The following LRP1B variants were observed in gnomAD, a reference collection of about 807,000 sequenced individuals.
LRP1B encodes low-density lipoprotein receptor-related protein 1B.
A neutral mutation model predicts 556.6 loss-of-function variants in LRP1B; 217 were observed. The observed-to-expected ratio is 0.39, with a 90% confidence interval of 0.35 to 0.44. The LOEUF (loss-of-function observed/expected upper bound fraction) is 0.44. Ranked by LOEUF, LRP1B falls within the 20% of genes least tolerant of loss-of-function variation. The pLI, the probability that LRP1B is intolerant of heterozygous loss-of-function variation, is 1.00. For synonymous variants in LRP1B, 2,047 were observed against 1,865.8 expected (o/e 1.10, Z -2.50); for missense variants, 5,053 against 5,620.8 (o/e 0.90, Z 3.23).
Position 141,379,773 on chromosome 2 carries a change from G to A in LRP1B, c.343+100623C>T, listed in dbSNP as rs1159885116. 3.3e-5 allele frequency among the ~76,000 whole-genome samples: 5 copies of A among 152,144 alleles called. No individual in the cohort carries two copies. The East Asian group carries it at 9.7e-4, about 29-fold the overall frequency. On this transcript the variant is annotated intron_variant, in intron 3 of 90. Transcript: ENST00000389484. ...TGGAACCATAGAGAATAAAAAGACA[G>A]TTTTAAACAGGCACATGAGTACCTG...
chr2:141,259,653 A>C (rs1684613170), intron 3 of LRP1B, among the ~76,000 whole-genome samples: 1 of 152,210 alleles, frequency 6.6e-6, no homozygotes, highest in Admixed American at 6.5e-5. Flanking sequence ...ACCCAACTGG[A>C]CTGTGATATC....
In LRP1B at chr2:140,779,323, A is replaced by G. The variant is rs74319161; in HGVS notation, c.5360-3085T>C. Among the ~76,000 whole-genome samples the G allele has an allele frequency of 6.6e-3, 998 of 152,298 alleles. 8 individuals are homozygous for G. The highest frequency in any genetic ancestry group is 0.023 in the African/African-American group (961 of 41,558). ...TCTCTTCACCATTGCTAGAAACTAGAAAACAGTGAAGCAATGCCTAGGAAA... is the reference window on the plus strand; with the variant it reads ...TCTCTTCACCATTGCTAGAAACTAGGAAACAGTGAAGCAATGCCTAGGAAA... On this transcript the variant is annotated intron_variant, in intron 32 of 90. Coordinates refer to ENST00000389484, the MANE Select transcript of LRP1B (RefSeq NM_018557.3).
chr2:141,144,606 C>T (rs1043619735), intron 7 of LRP1B, among the ~76,000 whole-genome samples: 1 of 152,150 alleles, frequency 6.6e-6, no homozygotes, highest in Non-Finnish European at 1.5e-5. Flanking sequence ...TATAACCATA[C>T]ACTTCATGAC....
At chr2:141,876,938 A>G (rs969835668) in intron 1 of LRP1B, among the ~76,000 whole-genome samples, 1 of 151,998 alleles carries the variant, frequency 6.6e-6, no homozygotes, top group South Asian at 2.1e-4. Context: ...TAAAGAACCC[A>G]GTATGCCATT....
intron 2 of LRP1B, among the ~76,000 whole-genome samples, chr2:141,644,768 C>T (rs1689488504): frequency 6.8e-6 from 1 of 147,338 alleles, no homozygotes; most frequent in South Asian, 2.2e-4. Context: ...CACACGCATA[C>T]ACATGCACAC....
At chr2:141,146,775 T>G (rs1701794225) in intron 7 of LRP1B, among the ~76,000 whole-genome samples, 1 of 152,204 alleles carries the variant, frequency 6.6e-6, no homozygotes, top group South Asian at 2.1e-4. Context: ...ATGGCTGTTC[T>G]TCTCCGTTTT....
intron 51 of LRP1B, among the ~76,000 whole-genome samples, chr2:140,511,956 T>C (rs1318336455): frequency 2.2e-4 from 33 of 152,222 alleles, no homozygotes; most frequent in Admixed American, 2.0e-3. Flanking sequence ...TTTTTATTAT[T>C]ATATTCTCAA....
intron 2 of LRP1B, among the ~76,000 whole-genome samples, chr2:141,531,193 C>T (rs1013802200): frequency 1.3e-5 from 2 of 152,016 alleles, no homozygotes; most frequent in Non-Finnish European, 2.9e-5. Context: ...ATAATTAACA[C>T]GTTAGGCAGA....
intron 18 of LRP1B, among the ~76,000 whole-genome samples, chr2:140,964,812 G>T (rs943719806): frequency 6.6e-6 from 1 of 152,178 alleles, no homozygotes; most frequent in Non-Finnish European, 1.5e-5. Flanking sequence ...TCTGTCTCTT[G>T]CCTCGGTGCC....
intron 3 of LRP1B, among the ~76,000 whole-genome samples, chr2:141,311,500 G>T (rs1175702453): frequency 6.6e-6 from 1 of 151,972 alleles, no homozygotes; most frequent in Admixed American, 6.6e-5. Flanking sequence ...GGTTTAAATG[G>T]GTCCTCCAAA....
intron 1 of LRP1B, among the ~76,000 whole-genome samples, chr2:142,127,988 G>A (rs770810586): frequency 5.3e-5 from 8 of 151,880 alleles, no homozygotes; most frequent in Non-Finnish European, 1.0e-4. Flanking sequence ...TTCCAATTTT[G>A]GCTGTTAAGA....
At chr2:141,042,854 A>G (rs1698742448) in intron 11 of LRP1B, among the ~76,000 whole-genome samples, 1 of 151,972 alleles carries the variant, frequency 6.6e-6, no homozygotes, top group Admixed American at 6.6e-5. Context: ...CCAAACTTGC[A>G]TCTAATTATA....
intron 41 of LRP1B, among the ~76,000 whole-genome samples, chr2:140,638,994 T>A (rs1011480529): frequency 6.6e-6 from 1 of 151,566 alleles, no homozygotes; most frequent in Admixed American, 6.6e-5. Flanking sequence ...GAAAAAAAAA[T>A]GGGATATTTC....
At chr2:141,717,958 G>A (rs1177363456) in intron 2 of LRP1B, among the ~76,000 whole-genome samples, 2 of 152,222 alleles carry the variant, frequency 1.3e-5, no homozygotes, top group African/African-American at 4.8e-5. Context: ...AATAAATGAG[G>A]ATGAAGGAGG....
At chr2:141,365,217 TTTTGTTTGTTTG>T (rs57017548) in intron 3 of LRP1B, among the ~76,000 whole-genome samples, 7 of 151,946 alleles carry the variant, frequency 4.6e-5, no homozygotes, top group Admixed American at 1.3e-4. Flanking sequence ...GATGCATCTT[TTTTGTTTGTTTG>T]TTTGTTTGTT....
At chr2:141,534,425 CT>C (rs990182093) in intron 2 of LRP1B, among the ~76,000 whole-genome samples, 31 of 152,092 alleles carry the variant, frequency 2.0e-4, no homozygotes, top group Admixed American at 6.6e-4. Flanking sequence ...CATTTTTACT[CT>C]TTTAAAGGCC....
intron 11 of LRP1B, among the ~76,000 whole-genome samples, chr2:141,022,169 G>A (rs1698083304): frequency 6.6e-6 from 1 of 151,246 alleles, no homozygotes; most frequent in Admixed American, 6.6e-5. Context: ...TATTATTCCT[G>A]TAATAATATC....
intron 32 of LRP1B, among the ~76,000 whole-genome samples, 177 bp downstream of exon 32, chr2:140,813,480 A>G (rs1376366400): frequency 3.3e-5 from 5 of 152,210 alleles, no homozygotes; most frequent in Admixed American, 3.3e-4. Context: ...GGATAATCTT[A>G]TAAGTCTGTT....
At chr2:141,705,910 A>G (rs1692119549) in intron 2 of LRP1B, among the ~76,000 whole-genome samples, 1 of 152,046 alleles carries the variant, frequency 6.6e-6, no homozygotes, top group South Asian at 2.1e-4. Context: ...TTCAATGATT[A>G]TCATATTCTG....
Sources: gnomAD v4.1 joint callset for allele counts (sites outside exome capture counted in the v4.1 genomes callset) on GRCh38, gnomAD v4.1.1 for gene constraint, MANE v1.5 for transcripts, NCBI Gene and HGNC (gene_info 2026-07-23, HGNC 2026-07-21) for gene names.